The following KHDRBS3 variants were observed in gnomAD, a reference collection of about 807,000 sequenced individuals.
The protein encoded by KHDRBS3 is KH RNA binding domain containing, signal transduction associated 3.
In KHDRBS3, 23 loss-of-function variants were observed where a neutral mutation model predicts 45.6. The ratio of observed to expected loss-of-function variants is 0.50; its 90% CI spans 0.36 to 0.72. KHDRBS3 has a LOEUF of 0.72. Among genes scored for constraint, KHDRBS3 ranks in the 30% least tolerant of loss-of-function variants. The pLI is 0.00. For synonymous variants in KHDRBS3, 162 were observed against 156.5 expected, an observed-to-expected ratio of 1.04 and a Z score of -0.26; for missense variants, 352 against 424.8, an observed-to-expected ratio of 0.83 and a Z score of 1.51.
At chr8:135,463,836 G>T (rs1821556635) in intron 1 of KHDRBS3, among the ~76,000 whole-genome samples, 1 of 152,142 alleles carries the variant, frequency 6.6e-6, no homozygotes, top group South Asian at 2.1e-4. Flanking sequence ...AAGATAGAAT[G>T]ACTTATATCT....
At chr8:135,498,132 A>G (rs1383956288) in intron 1 of KHDRBS3, among the ~76,000 whole-genome samples, 13 of 151,954 alleles carry the variant, frequency 8.6e-5, no homozygotes, top group Admixed American at 7.2e-4. Flanking sequence ...AACCTCAGAG[A>G]TGAAAAAAAA....
intron 7 of KHDRBS3, among the ~76,000 whole-genome samples, chr8:135,617,691 A>G (rs990481729): frequency 1.4e-4 from 21 of 152,206 alleles, no homozygotes; most frequent in Non-Finnish European, 3.1e-4. Flanking sequence ...GAACCCAGGC[A>G]GTCTAAGCAC....
chr8:135,634,785 G>A lies in KHDRBS3; in HGVS notation c.891-10274G>A, dbSNP rs946800676. Among the ~76,000 whole-genome samples the A allele has an allele frequency of 5.9e-5, 9 of 152,280 alleles. No homozygotes were observed. The South Asian group carries it at 1.2e-3, about 21-fold the overall frequency. On this transcript the variant is annotated intron_variant, in intron 7 of 8. Transcript: ENST00000355849. ...TCTGAGACTAAGCAGTTGTGACATC[G>A]GGCTCTGTCCTCTGGCTAACTAGTT...
At chr8:135,554,412 A>G (rs138954667) in intron 4 of KHDRBS3, among the ~76,000 whole-genome samples, 7 of 152,314 alleles carry the variant, frequency 4.6e-5, no homozygotes, top group African/African-American at 1.4e-4. Flanking sequence ...TTAGAGCTTT[A>G]CAAATCACTT....
At chr8:135,607,068 C>T (rs763567316) in intron 7 of KHDRBS3, 31 bp downstream of exon 7, 1 of 1,497,170 alleles carries the variant, frequency 6.7e-7, no homozygotes, top group Admixed American at 1.7e-5. Flanking sequence ...CCAGACCCCA[C>T]AACAGAAACC....
At chr8:135,514,990 A>G (rs983446682) in intron 1 of KHDRBS3, among the ~76,000 whole-genome samples, 8 of 152,136 alleles carry the variant, frequency 5.3e-5, no homozygotes, top group Non-Finnish European at 8.8e-5. Flanking sequence ...TTATTTTTCA[A>G]TATTTTGCTG....
chr8:135,515,519 C>T (rs1824547403), intron 1 of KHDRBS3, among the ~76,000 whole-genome samples: 1 of 151,718 alleles, frequency 6.6e-6, no homozygotes, highest in South Asian at 2.1e-4. Flanking sequence ...GCTCTGTGCC[C>T]AGAGGCTGAT....
chr8:135,489,673 T>C (rs1330671707), intron 1 of KHDRBS3, among the ~76,000 whole-genome samples: 1 of 152,026 alleles, frequency 6.6e-6, no homozygotes, highest in Non-Finnish European at 1.5e-5. Context: ...AGAGCGAGAC[T>C]CCATCTCAAA....
At chr8:135,513,205 A>G (rs1216405224) in intron 1 of KHDRBS3, among the ~76,000 whole-genome samples, 1 of 152,134 alleles carries the variant, frequency 6.6e-6, no homozygotes, top group Admixed American at 6.5e-5. Context: ...GTCTCAAAAA[A>G]AAAAAGAAAA....
chr8:135,564,097 G>A (rs1827289840), intron 5 of KHDRBS3, among the ~76,000 whole-genome samples: 2 of 152,114 alleles, frequency 1.3e-5, no homozygotes, highest in South Asian at 2.1e-4. Context: ...TGTTTCTTCC[G>A]ATATTTTACT....
intron 1 of KHDRBS3, among the ~76,000 whole-genome samples, chr8:135,460,991 T>C (rs1393259088): frequency 6.6e-6 from 1 of 152,246 alleles, no homozygotes; most frequent in Non-Finnish European, 1.5e-5. Context: ...CTTTTATATT[T>C]TTCCAGACTT....
At chr8:135,652,183 G>A (rs1015370362), downstream of KHDRBS3, among the ~76,000 whole-genome samples, 2 of 152,146 alleles carry the variant, frequency 1.3e-5, no homozygotes, top group Non-Finnish European at 2.9e-5. Context: ...TCTATTTTAT[G>A]CCTGATTCTG....
intron 7 of KHDRBS3, among the ~76,000 whole-genome samples, chr8:135,637,979 A>C (rs1308324202): frequency 1.3e-5 from 2 of 152,204 alleles, no homozygotes; most frequent in African/African-American, 2.4e-5. Flanking sequence ...AATCCCATGA[A>C]GTGACAGAAA....
At chr8:135,513,065 T>C (rs1299684815) in intron 1 of KHDRBS3, among the ~76,000 whole-genome samples, 2 of 152,062 alleles carry the variant, frequency 1.3e-5, no homozygotes, top group Non-Finnish European at 2.9e-5. Context: ...CTGGGCGCAG[T>C]GGCAGGCACC....
At chr8:135,572,752 A>G (rs1388276253) in intron 5 of KHDRBS3, among the ~76,000 whole-genome samples, 1 of 152,264 alleles carries the variant, frequency 6.6e-6, no homozygotes, top group African/African-American at 2.4e-5. Flanking sequence ...GCTCAGAGTG[A>G]GAGCTGCCAA....
At chr8:135,574,924 T>C (rs560027767) in intron 5 of KHDRBS3, among the ~76,000 whole-genome samples, 27 of 152,332 alleles carry the variant, frequency 1.8e-4, no homozygotes, top group East Asian at 1.9e-4. Context: ...GTGGGCTCTA[T>C]GTTTAGCCTC....
At chr8:135,566,063 A>G (rs763968271) in intron 5 of KHDRBS3, among the ~76,000 whole-genome samples, 8 of 152,178 alleles carry the variant, frequency 5.3e-5, no homozygotes, top group African/African-American at 4.8e-5. Context: ...TGGCTCTTCA[A>G]TGCCTCACAA....
At chr8:135,518,847 A>G (rs1429343756) in intron 1 of KHDRBS3, among the ~76,000 whole-genome samples, 1 of 152,184 alleles carries the variant, frequency 6.6e-6, no homozygotes, top group Non-Finnish European at 1.5e-5. Flanking sequence ...GTTGATTACA[A>G]TTATTTCTGG....
At chr8:135,554,094 G>A (rs1826756187) in intron 4 of KHDRBS3, among the ~76,000 whole-genome samples, 1 of 152,118 alleles carries the variant, frequency 6.6e-6, no homozygotes, top group South Asian at 2.1e-4. Context: ...TTAAGTTCAG[G>A]TGGTTAAATT....
Sources: allele counts gnomAD v4.1 joint callset (sites outside exome capture counted in the v4.1 genomes callset), GRCh38; gene constraint gnomAD v4.1.1; transcripts MANE v1.5; gene names NCBI Gene and HGNC (gene_info 2026-07-23, HGNC 2026-07-21).